Variants in NDUFAF6 observed in about 807,000 individuals in gnomAD.
NDUFAF6 encodes the protein NADH:ubiquinone oxidoreductase complex assembly factor 6, also known as NADH dehydrogenase (ubiquinone) complex I, assembly factor 6.
NDUFAF6 carries 45 observed loss-of-function variants against 40.8 expected under a neutral mutation model. That is an observed-to-expected ratio of 1.10 (90% CI 0.87 to 1.42). NDUFAF6 has a LOEUF of 1.42. Ranked by LOEUF, NDUFAF6 falls within the 40% of genes most tolerant of loss-of-function variation. The pLI is 0.00. For synonymous variants in NDUFAF6, 185 were observed against 155.9 expected, an observed-to-expected ratio of 1.19 and a Z score of -1.39; for missense variants, 435 against 418.5, an observed-to-expected ratio of 1.04 and a Z score of -0.34.
At chr8:94,896,090 T>G (rs1044084800) in intron 1 of NDUFAF6, among the ~76,000 whole-genome samples, 1 of 152,040 alleles carries the variant, frequency 6.6e-6, no homozygotes, top group African/African-American at 2.4e-5. Flanking sequence ...GCGCCCTCCC[T>G]TGCTTCCTCT....
chr8:94,953,496 G>T (rs1410407091), upstream of NDUFAF6, among the ~76,000 whole-genome samples: 1 of 152,242 alleles, frequency 6.6e-6, no homozygotes, highest in Admixed American at 6.5e-5. Flanking sequence ...ACTGTGTGGG[G>T]CAGATGTGAC....
intron 9 of NDUFAF6, among the ~76,000 whole-genome samples, chr8:95,069,397 T>TC (rs1832778907): frequency 1.3e-5 from 2 of 152,050 alleles, no homozygotes; most frequent in South Asian, 4.1e-4. Context: ...AGAAGACTAC[T>TC]GCTACCACCT....
intron 2 of NDUFAF6, among the ~76,000 whole-genome samples, chr8:94,997,225 AGGCAAT>A (rs961313888): frequency 1.1e-4 from 17 of 148,980 alleles, no homozygotes; most frequent in African/African-American, 3.9e-4. Context: ...GCCACAGTGC[AGGCAAT>A]GGCCTGGGGC....
Position 95,033,446 on chromosome 8 carries a change from A to G in NDUFAF6, c.297+1352A>G, listed in dbSNP as rs547028451. The stretch of plus-strand genomic sequence containing the variant: ...CATCTTGCTGCTGCTTTGCACATGG[A>G]GCCTTGTTTATTCACTCATTCAACA... On this transcript the variant is annotated intron_variant, in intron 2 of 8. Coordinates refer to ENST00000396124, the MANE Select transcript of NDUFAF6 (RefSeq NM_152416.4). Among the ~76,000 whole-genome samples the G allele has an allele frequency of 4.6e-5, 7 of 152,286 alleles. No homozygotes were observed. The South Asian group carries it at 1.4e-3, about 32-fold the overall frequency.
intron 1 of NDUFAF6, among the ~76,000 whole-genome samples, chr8:94,962,446 C>T (rs1246702601): frequency 1.3e-5 from 2 of 152,076 alleles, no homozygotes; most frequent in East Asian, 3.9e-4. Flanking sequence ...GCATGTGCCA[C>T]CATGCCTGAC....
chr8:95,052,102 T>G, intron 7 of NDUFAF6, 72 bp from the exon 8 acceptor site: 1 of 1,393,528 alleles, frequency 7.2e-7, no homozygotes, highest in South Asian at 1.2e-5. Flanking sequence ...GTTAAACTGC[T>G]GGTGTTGCTT....
intron 2 of NDUFAF6, chr8:94,984,324 A>G (rs1200105654): frequency 2.0e-5 from 3 of 152,232 alleles, no homozygotes. Flanking sequence ...TCGTCATTCA[A>G]ATAATTTGGG....
intron 2 of NDUFAF6, among the ~76,000 whole-genome samples, chr8:94,946,696 C>CAAAAAAAAAAAAAAAAAAAAAACAAAAAA (rs1822030333): frequency 2.9e-5 from 1 of 34,688 alleles, no homozygotes; most frequent in Non-Finnish European, 5.3e-5. Flanking sequence ...GACCCTGTCT[C>CAAAAAAAAAAAAAAAAAAAAAACAAAAAA]AAAAAAAAAA....
intron 1 of NDUFAF6, among the ~76,000 whole-genome samples, chr8:94,907,557 C>T (rs1818473466): frequency 6.6e-6 from 1 of 152,150 alleles, no homozygotes; most frequent in Non-Finnish European, 1.5e-5. Flanking sequence ...TGTGATTATC[C>T]CATATACCCA....
chr8:95,063,722 A>C (rs894968416), intron 9 of NDUFAF6, among the ~76,000 whole-genome samples: 1 of 152,186 alleles, frequency 6.6e-6, no homozygotes, highest in African/African-American at 2.4e-5. Context: ...GTGTTTAAAC[A>C]CAGGCCTACA....
intron 1 of NDUFAF6, among the ~76,000 whole-genome samples, chr8:94,899,592 A>T (rs1216048994): frequency 3.9e-5 from 6 of 152,224 alleles, no homozygotes; most frequent in Admixed American, 3.3e-4. Context: ...AGTTTGCCTA[A>T]GATCCACAGT....
chr8:94,990,124 A>T lies in NDUFAF6; in HGVS notation c.-84+9151A>T, dbSNP rs28370425. On this transcript the variant is annotated intron_variant, in intron 2 of 9. Transcript: ENST00000396111. ...TGAGTCAAGGAAAGGGTTGGCCTCC[A>T]GAACAAAAGGATCTTAAGGCTTGGT... Among the ~76,000 whole-genome samples the T allele has an allele frequency of 2.9e-3, 443 of 152,352 alleles. 3 individuals are homozygous for T. The highest frequency in any genetic ancestry group is 0.01 in the African/African-American group (417 of 41,596).
At chr8:95,049,066 G>C (rs910323153) in intron 7 of NDUFAF6, among the ~76,000 whole-genome samples, 1 of 152,248 alleles carries the variant, frequency 6.6e-6, no homozygotes, top group Admixed American at 6.5e-5. Flanking sequence ...GGCATTCACT[G>C]TTACCTCGGG....
At chr8:95,069,880 C>T (rs1832798398) in intron 9 of NDUFAF6, among the ~76,000 whole-genome samples, 1 of 149,124 alleles carries the variant, frequency 6.7e-6, no homozygotes, top group Non-Finnish European at 1.5e-5. Flanking sequence ...ACAAATGTCT[C>T]AAAGCAGTTT....
intron 1 of NDUFAF6, among the ~76,000 whole-genome samples, chr8:94,972,447 C>G (rs1824546098): frequency 6.6e-6 from 1 of 152,082 alleles, no homozygotes. Context: ...CCATGTTGGT[C>G]AGGCTGGTCT....
chr8:95,049,806 C>T (rs896564900), intron 7 of NDUFAF6, among the ~76,000 whole-genome samples: 8 of 152,166 alleles, frequency 5.3e-5, no homozygotes, highest in African/African-American at 1.9e-4. Flanking sequence ...CACTACCTGA[C>T]ATTAAAAGTT....
intron 2 of NDUFAF6, among the ~76,000 whole-genome samples, chr8:94,997,560 C>T (rs1172121306): frequency 6.6e-6 from 1 of 151,858 alleles, no homozygotes; most frequent in African/African-American, 2.4e-5. Context: ...CTGAAGATCT[C>T]CACAGCCATT....
rs201732170 is a variant in NDUFAF6 at position 95,035,527 on chromosome 8, T to C, written c.371T>C (p.Ile124Thr). The C allele has an allele frequency of 3.8e-5, 62 of 1,613,100 alleles. 2 individuals carry two copies. In the East Asian group the frequency reaches 7.4e-4, roughly 19 times the overall value. The change falls in exon 3 of 9, where the codon ATA (isoleucine) becomes ACA (threonine). Residue 124 changes from isoleucine (I) to threonine (T), a missense_variant. Physicochemically the swap from Ile to Thr is moderately conservative, Grantham distance 89. Coordinates refer to ENST00000396124, the MANE Select transcript of NDUFAF6 (RefSeq NM_152416.4). ...MQFWKKTVED[I>T]YCDNPPHQPV... ...TTTTGGAAAAAAACTGTGGAAGATATATACTGTGACAATCCACCACATCAG... is the reference window on the plus strand; with the variant it reads ...TTTTGGAAAAAAACTGTGGAAGATACATACTGTGACAATCCACCACATCAG...
intron 2 of NDUFAF6, among the ~76,000 whole-genome samples, chr8:94,983,141 A>G (rs1825580392): frequency 6.6e-6 from 1 of 152,154 alleles, no homozygotes; most frequent in African/African-American, 2.4e-5. Context: ...ATAGAATAAT[A>G]ACTACACAGA....
Sources: gnomAD v4.1 joint callset for allele counts (sites outside exome capture counted in the v4.1 genomes callset) on GRCh38, gnomAD v4.1.1 for gene constraint, MANE v1.5 for transcripts, NCBI Gene and HGNC (gene_info 2026-07-23, HGNC 2026-07-21) for gene names.